Variants in EDEM3 observed in about 807,000 individuals in gnomAD.
EDEM3 encodes the protein ER degradation enhancing alpha-mannosidase like protein 3.
Under a neutral mutation model 110.2 loss-of-function variants are expected in EDEM3, and 60 were observed. The ratio of observed to expected loss-of-function variants is 0.54; its 90% CI spans 0.44 to 0.67. The LOEUF (loss-of-function observed/expected upper bound fraction) is 0.67, where lower values mean the gene tolerates loss of function less well. EDEM3 is among the 30% of genes least tolerant of loss of function. The pLI is 0.00. For synonymous variants in EDEM3, 352 were observed against 382.9 expected (o/e 0.92, Z 0.94); for missense variants, 996 against 1,121.0 (o/e 0.89, Z 1.59).
intron 2 of EDEM3, among the ~76,000 whole-genome samples, chr1:184,748,790 G>A (rs562469040): frequency 2.0e-5 from 3 of 152,300 alleles, no homozygotes; most frequent in East Asian, 3.9e-4. Flanking sequence ...CAGAACTAAA[G>A]CTAGTCCTCT....
At chr1:184,700,204 A>C (rs1649542406) in intron 19 of EDEM3, among the ~76,000 whole-genome samples, 1 of 151,966 alleles carries the variant, frequency 6.6e-6, no homozygotes, top group South Asian at 2.1e-4. Context: ...AGTTTCAGAT[A>C]CATCTATACT....
In EDEM3 at chr1:184,691,369, C is replaced by T. The variant is rs564036161; in HGVS notation, c.*2694G>A. The T allele has an allele frequency of 9.8e-5, 15 of 152,406 alleles. No homozygotes were observed. Among genetic ancestry groups the T allele is most frequent in the South Asian group, 4.1e-4 (2 of 4,822 alleles). The allele number at this position is 152,406 out of a possible 1,614,324, so 9.4% of individuals were successfully genotyped here. On this transcript the variant is annotated 3_prime_UTR_variant, in exon 20 of 20. Coordinates refer to ENST00000318130, the MANE Select transcript of EDEM3 (RefSeq NM_025191.4). ...GGTTAAGTTTTAAAACTTGAAAATA[C>T]CTGAATTAAATACTTGCTCTAATAT... is the stretch of plus-strand genomic sequence containing the variant.
intron 2 of EDEM3, among the ~76,000 whole-genome samples, chr1:184,741,244 A>G (rs1652119911): frequency 6.6e-6 from 1 of 151,874 alleles, no homozygotes; most frequent in Non-Finnish European, 1.5e-5. Context: ...CTAAAAATAC[A>G]AAAAATTAGC....
chr1:184,701,025 C>A (rs1649591751), intron 19 of EDEM3, among the ~76,000 whole-genome samples: 1 of 151,818 alleles, frequency 6.6e-6, no homozygotes, highest in African/African-American at 2.4e-5. Context: ...AATGCAAGGT[C>A]CTTAAGGGGA....
chr1:184,751,500 C>G (rs753102189), intron 1 of EDEM3, among the ~76,000 whole-genome samples: 14 of 152,144 alleles, frequency 9.2e-5, no homozygotes, highest in Non-Finnish European at 1.3e-4. Context: ...ATTTTCCAAT[C>G]CTTACATTTA....
At chr1:184,741,113 TAAG>T (rs1652112348) in intron 2 of EDEM3, among the ~76,000 whole-genome samples, 1 of 151,942 alleles carries the variant, frequency 6.6e-6, no homozygotes, top group Non-Finnish European at 1.5e-5. Flanking sequence ...ATAATAATAA[TAAG>T]GCCAGGTGTG....
chr1:184,726,511 C>G (rs1032209080), intron 6 of EDEM3, 122 bp from the exon 7 acceptor site: 28 of 1,092,056 alleles, frequency 2.6e-5, no homozygotes, highest in Non-Finnish European at 3.6e-5. Context: ...TAACTAAACA[C>G]TGAAATTCAA....
In EDEM3 at chr1:184,716,895, C is replaced by T; in HGVS notation, c.1363G>A (p.Glu455Lys). ...TGTTAGCAATTGTTTTACCTGTCCTCATGACTTCCAGTACGAACATCCTTC... is the reference window on the plus strand; with the variant it reads ...TGTTAGCAATTGTTTTACCTGTCCTTATGACTTCCAGTACGAACATCCTTC... ...AMKDVRTGSH[E>K]DRMDSFFLAE... Residue 455 changes from glutamate (E) to lysine (K), a missense_variant, in exon 13 of 20, where the codon GAG becomes AAG. By Grantham distance (56) the Glu-to-Lys change is moderately conservative. Coordinates refer to ENST00000318130, the MANE Select transcript of EDEM3 (RefSeq NM_025191.4). 1 of 1,613,214 alleles carries T rather than the reference C, an allele frequency of 6.2e-7. No homozygotes were observed. Among genetic ancestry groups the T allele is most frequent in the Non-Finnish European group, 8.5e-7 (1 of 1,179,332 alleles).
chr1:184,702,944 A>C lies in EDEM3; in HGVS notation c.2256T>G (p.Gly752=), dbSNP rs757379045. ...TGATGTCATCTGTATCCTTTCCATC[A>C]CCTGCCATCTGGAACAGAGGGGCAG... is the stretch of plus-strand genomic sequence containing the variant. The part of the protein sequence containing the change: ...SDTAPLFQMA[G]DGKDTDDIKI... Residue 752 remains glycine (G), a synonymous_variant, in exon 19 of 20, where the codon GGT becomes GGG. Transcript: ENST00000318130. 45 of 1,612,880 alleles carry C rather than the reference A, an allele frequency of 2.8e-5. No individual in the cohort carries two copies. Among genetic ancestry groups the C allele is most frequent in the Non-Finnish European group, 3.6e-5 (43 of 1,179,574 alleles).
At chr1:184,737,845 T>A in intron 2 of EDEM3, 134 bp from the exon 3 acceptor site, 1 of 722,448 alleles carries the variant, frequency 1.4e-6, no homozygotes, top group Non-Finnish European at 2.1e-6. Context: ...CTGTGGAATC[T>A]TTTCAAAAAT....
intron 19 of EDEM3, among the ~76,000 whole-genome samples, chr1:184,695,736 A>T (rs1649297009): frequency 6.6e-6 from 1 of 152,028 alleles, no homozygotes; most frequent in Non-Finnish European, 1.5e-5. Flanking sequence ...AGTTTCTTCA[A>T]AAAGTTCCTT....
chr1:184,700,186 A>G (rs1315530625), intron 19 of EDEM3, among the ~76,000 whole-genome samples: 1 of 151,960 alleles, frequency 6.6e-6, no homozygotes, highest in Non-Finnish European at 1.5e-5. Context: ...AATTTCTGCT[A>G]GCAGAACAGT....
At position 184,726,294 on chromosome 1, in the gene EDEM3, A is replaced by C; in HGVS notation, c.708T>G (p.Phe236Leu). The change falls in exon 7 of 20, where the codon TTT becomes TTG. Residue 236 changes from phenylalanine to leucine, a missense_variant. Phe to Leu is a conservative substitution (Grantham distance 22). Around this residue, in one of 5 missense-constraint regions of EDEM3, gnomAD observed 310 missense variants for 394.6 expected, o/e 0.79. Coordinates refer to ENST00000318130, the MANE Select transcript of EDEM3 (RefSeq NM_025191.4). ...CTCCTGTGAATCGACTTAAAGCAGC[A>C]AATTCAAGGATCAAGGTACCTGCAC... ...TACAGTLILE[F>L]AALSRFTGAT... The C allele has an allele frequency of 6.2e-7, 1 of 1,613,926 alleles. No individual in the cohort carries two copies. Among genetic ancestry groups the C allele is most frequent in the Non-Finnish European group, 8.5e-7 (1 of 1,179,892 alleles).
At chr1:184,732,730 T>C in intron 6 of EDEM3, 107 bp downstream of exon 6, 1 of 1,139,026 alleles carries the variant, frequency 8.8e-7, no homozygotes, top group Non-Finnish European at 1.2e-6. Context: ...GAAGCATTTT[T>C]TTTTCAGCCT....
At chr1:184,714,683 A>T (rs1286847550) in intron 13 of EDEM3, among the ~76,000 whole-genome samples, 1 of 152,220 alleles carries the variant, frequency 6.6e-6, no homozygotes, top group African/African-American at 2.4e-5. Flanking sequence ...CATCTAAACT[A>T]TAGATCATTG....
At chr1:184,718,011 A>T (rs1253982834) in intron 11 of EDEM3, among the ~76,000 whole-genome samples, 2 of 151,998 alleles carry the variant, frequency 1.3e-5, no homozygotes, top group African/African-American at 4.8e-5. Context: ...TAAATCGACA[A>T]ATAAAAGTGA....
At chr1:184,742,069 C>T (rs1652174999) in intron 2 of EDEM3, among the ~76,000 whole-genome samples, 1 of 152,084 alleles carries the variant, frequency 6.6e-6, no homozygotes, top group African/African-American at 2.4e-5. Context: ...TCTCAGTCAA[C>T]TTATTTAGAT....
intron 17 of EDEM3, 54 bp downstream of exon 17, chr1:184,708,099 C>T: frequency 7.0e-7 from 1 of 1,421,578 alleles, no homozygotes; most frequent in Non-Finnish European, 9.5e-7. Flanking sequence ...AGAAATAAGG[C>T]AATACTTAAT....
intron 8 of EDEM3, among the ~76,000 whole-genome samples, chr1:184,722,584 G>A (rs182782594): frequency 3.5e-4 from 53 of 151,982 alleles, no homozygotes; most frequent in African/African-American, 1.2e-3. Context: ...AGCTTCCTCA[G>A]TATCACCCTG....
Sources: allele counts gnomAD v4.1 joint callset (sites outside exome capture counted in the v4.1 genomes callset), GRCh38; gene constraint gnomAD v4.1.1; regional missense constraint gnomAD v4.1.1; transcripts MANE v1.5; gene names NCBI Gene and HGNC (gene_info 2026-07-23, HGNC 2026-07-21).